Variants in FHIT observed in about 807,000 individuals in gnomAD.
FHIT encodes the protein fragile histidine triad diadenosine triphosphatase, also known as bis(5'-adenosyl)-triphosphatase.
FHIT carries 19 observed loss-of-function variants against 17.9 expected under a neutral mutation model. The ratio of observed to expected loss-of-function variants is 1.06; its 90% CI spans 0.74 to 1.56. The LOEUF is 1.56. Among genes scored for constraint, FHIT ranks in the 40% most tolerant of loss-of-function variants. The pLI is 0.00. For missense variants in FHIT, 248 were observed against 189.2 expected (o/e 1.31, Z -1.82); for synonymous variants, 81 against 69.7 (o/e 1.16, Z -0.81).
intron 3 of FHIT, among the ~76,000 whole-genome samples, chr3:61,018,734 A>C (rs2032248661): frequency 6.6e-6 from 1 of 152,258 alleles, no homozygotes; most frequent in Non-Finnish European, 1.5e-5. Context: ...ATTATAAATC[A>C]CAGCATTTCT....
chr3:60,363,100 G>A (rs531576842), intron 5 of FHIT, among the ~76,000 whole-genome samples: 1 of 152,254 alleles, frequency 6.6e-6, no homozygotes, highest in East Asian at 1.9e-4. Context: ...AAGGCAGTAT[G>A]CAACAAAGAG....
At chr3:60,380,111 T>C (rs974133043) in intron 5 of FHIT, among the ~76,000 whole-genome samples, 1 of 152,202 alleles carries the variant, frequency 6.6e-6, no homozygotes, top group Non-Finnish European at 1.5e-5. Context: ...GTTTGTCCCT[T>C]TCAAATTTCA....
intron 5 of FHIT, among the ~76,000 whole-genome samples, chr3:60,185,383 G>A (rs1002503068): frequency 6.6e-6 from 1 of 152,156 alleles, no homozygotes; most frequent in Non-Finnish European, 1.5e-5. Flanking sequence ...GCAGTAGATA[G>A]CCTTTTCAGA....
intron 4 of FHIT, among the ~76,000 whole-genome samples, chr3:60,747,500 A>T (rs1325934679): frequency 6.6e-6 from 1 of 152,268 alleles, no homozygotes; most frequent in Non-Finnish European, 1.5e-5. Flanking sequence ...AAATAAAAAA[A>T]TACAATACTT....
At position 60,251,326 on chromosome 3, in the gene FHIT, G is replaced by A. The variant is rs562956851; in HGVS notation, c.104-237174C>T. On this transcript the variant is annotated intron_variant, in intron 5 of 9. Transcript: ENST00000492590. ...CTCTCTGGGGAGGGAGTAGTACATAGGGAGTGAGGAACATTATGACACCTA... is the reference window on the plus strand; with the variant it reads ...CTCTCTGGGGAGGGAGTAGTACATAAGGAGTGAGGAACATTATGACACCTA... Among the ~76,000 whole-genome samples, 9 of 152,278 alleles carry A rather than the reference G, an allele frequency of 5.9e-5. No individual in the cohort carries two copies. In the South Asian group the frequency reaches 1.7e-3, roughly 28 times the overall value.
intron 5 of FHIT, among the ~76,000 whole-genome samples, chr3:60,320,157 G>T (rs763726567): frequency 1.3e-5 from 2 of 152,094 alleles, no homozygotes; most frequent in Admixed American, 6.6e-5. Flanking sequence ...ATCCAAGTAC[G>T]TTGACACTCT....
chr3:60,499,839 C>A (rs1350382421), intron 5 of FHIT, among the ~76,000 whole-genome samples: 2 of 152,146 alleles, frequency 1.3e-5, no homozygotes, highest in Non-Finnish European at 2.9e-5. Flanking sequence ...AAAGAGAAGA[C>A]TTCCCTACCA....
intron 8 of FHIT, among the ~76,000 whole-genome samples, chr3:59,811,749 G>A (rs940530140): frequency 1.3e-5 from 2 of 152,168 alleles, no homozygotes; most frequent in Non-Finnish European, 2.9e-5. Flanking sequence ...ACAGCTCTGG[G>A]TCACTAGAGT....
intron 2 of FHIT, among the ~76,000 whole-genome samples, chr3:61,081,197 CTG>C (rs2035126156): frequency 6.6e-6 from 1 of 152,186 alleles, no homozygotes; most frequent in Non-Finnish European, 1.5e-5. Flanking sequence ...AATAGAGAGG[CTG>C]TGTCTCCAGG....
chr3:60,153,564 T>A (rs1408037201), intron 5 of FHIT, among the ~76,000 whole-genome samples: 2 of 152,212 alleles, frequency 1.3e-5, no homozygotes, highest in African/African-American at 4.8e-5. Context: ...CTCAGTCAAT[T>A]GCCATGGGGC....
intron 5 of FHIT, among the ~76,000 whole-genome samples, chr3:60,315,365 G>A (rs1423923527): frequency 1.3e-5 from 2 of 152,064 alleles, no homozygotes; most frequent in Non-Finnish European, 2.9e-5. Context: ...GTATACACAC[G>A]AGTAACCACC....
chr3:59,776,841 A>T (rs1263312464), intron 8 of FHIT, among the ~76,000 whole-genome samples: 1 of 152,212 alleles, frequency 6.6e-6, no homozygotes, highest in Non-Finnish European at 1.5e-5. Context: ...GAGGAAATTA[A>T]GGCACAAACA....
chr3:61,073,275 G>A (rs1311166414), intron 2 of FHIT, among the ~76,000 whole-genome samples: 1 of 152,190 alleles, frequency 6.6e-6, no homozygotes, highest in Admixed American at 6.5e-5. Context: ...TTAACTGTGA[G>A]TCTTAATCAA....
chr3:60,198,223 G>A (rs1702735123), intron 5 of FHIT, among the ~76,000 whole-genome samples: 1 of 152,030 alleles, frequency 6.6e-6, no homozygotes, highest in South Asian at 2.1e-4. Context: ...TCTTATCTTA[G>A]GTATGGCACT....
intron 4 of FHIT, among the ~76,000 whole-genome samples, chr3:60,554,159 T>C (rs1053379370): frequency 1.3e-5 from 2 of 151,650 alleles, no homozygotes; most frequent in African/African-American, 4.8e-5. Context: ...ATTTCTACAC[T>C]GAAGGACAAA....
chr3:60,073,441 G>GC (rs1422451994), intron 5 of FHIT, among the ~76,000 whole-genome samples: 1 of 152,032 alleles, frequency 6.6e-6, no homozygotes, highest in African/African-American at 2.4e-5. Flanking sequence ...ACAACAAACA[G>GC]CCCCAGAATC....
chr3:60,110,563 C>T (rs1704626761), intron 5 of FHIT, among the ~76,000 whole-genome samples: 2 of 152,132 alleles, frequency 1.3e-5, no homozygotes. Context: ...AATTCTGTTT[C>T]CATCTTTGGT....
intron 4 of FHIT, among the ~76,000 whole-genome samples, chr3:60,724,620 C>A (rs1412672028): frequency 6.6e-6 from 1 of 150,602 alleles, no homozygotes; most frequent in African/African-American, 2.4e-5. Context: ...TCTCCACATC[C>A]TTGCTAATAG....
chr3:60,853,481 G>A (rs541231822), intron 3 of FHIT, among the ~76,000 whole-genome samples: 2 of 151,858 alleles, frequency 1.3e-5, no homozygotes, highest in African/African-American at 2.4e-5. Context: ...TGACCTTCAC[G>A]AGCACCCAAA....
Sources: allele counts gnomAD v4.1 joint callset (sites outside exome capture counted in the v4.1 genomes callset), GRCh38; gene constraint gnomAD v4.1.1; transcripts MANE v1.5; gene names NCBI Gene and HGNC (gene_info 2026-07-23, HGNC 2026-07-21).